Variants in RSPO2 observed in about 807,000 individuals in gnomAD.
The protein encoded by RSPO2 is R-spondin 2.
Under a neutral mutation model 30.9 loss-of-function variants are expected in RSPO2, and 14 were observed. That is an observed-to-expected ratio of 0.45 (90% CI 0.30 to 0.71). The LOEUF (loss-of-function observed/expected upper bound fraction) is 0.71, where lower values mean the gene tolerates loss of function less well. RSPO2 is among the 30% of genes least tolerant of loss of function. RSPO2 has a pLI of 0.08. For synonymous variants in RSPO2, 107 were observed against 96.4 expected (o/e 1.11, Z -0.64); for missense variants, 264 against 301.9 (o/e 0.87, Z 0.93).
intron 3 of RSPO2, among the ~76,000 whole-genome samples, chr8:107,984,520 C>T (rs563623288): frequency 2.6e-5 from 4 of 152,262 alleles, no homozygotes; most frequent in African/African-American, 9.6e-5. Context: ...AACCTCAAGA[C>T]TATCAGAAGA....
intron 2 of RSPO2, among the ~76,000 whole-genome samples, chr8:108,039,536 G>A (rs1459115313): frequency 6.6e-6 from 1 of 152,096 alleles, no homozygotes; most frequent in Non-Finnish European, 1.5e-5. Context: ...AATGCTTAAA[G>A]TGTATTTTCA....
intron 2 of RSPO2, among the ~76,000 whole-genome samples, chr8:107,991,169 C>T (rs1287884775): frequency 2.0e-5 from 3 of 151,854 alleles, no homozygotes; most frequent in Admixed American, 6.6e-5. Flanking sequence ...ACTGCCTGAA[C>T]CTGGAAGGCA....
intron 5 of RSPO2, among the ~76,000 whole-genome samples, chr8:107,908,376 CAAGAAGAGA>C: frequency 6.6e-6 from 1 of 152,092 alleles, no homozygotes; most frequent in East Asian, 1.9e-4. Flanking sequence ...TAAGCACAAA[CAAGAAGAGA>C]TAGTTTTAAA....
intron 2 of RSPO2, among the ~76,000 whole-genome samples, chr8:108,042,916 C>A (rs752696176): frequency 6.6e-6 from 1 of 152,058 alleles, no homozygotes; most frequent in Non-Finnish European, 1.5e-5. Context: ...CTCCTTTAAC[C>A]CCTTGCCTAT....
intron 5 of RSPO2, among the ~76,000 whole-genome samples, chr8:107,956,379 T>C (rs989500213): frequency 6.6e-6 from 1 of 152,214 alleles, no homozygotes; most frequent in African/African-American, 2.4e-5. Flanking sequence ...AATCAGTCTG[T>C]TACTGGCTTG....
At chr8:108,062,364 G>C (rs866778795) in intron 2 of RSPO2, among the ~76,000 whole-genome samples, 3 of 151,720 alleles carry the variant, frequency 2.0e-5, no homozygotes, top group Admixed American at 6.6e-5. Flanking sequence ...TATCACCACC[G>C]ATCCCACAGA....
chr8:107,950,434 C>T (rs1813205049), intron 5 of RSPO2, among the ~76,000 whole-genome samples: 1 of 151,794 alleles, frequency 6.6e-6, no homozygotes. Flanking sequence ...TTTATTCGGG[C>T]CTGAGCTCTT....
At chr8:108,057,961 C>A (rs1257172337) in intron 2 of RSPO2, among the ~76,000 whole-genome samples, 1 of 152,112 alleles carries the variant, frequency 6.6e-6, no homozygotes, top group African/African-American at 2.4e-5. Flanking sequence ...ATTGAAAACC[C>A]TTTATTTCCT....
At chr8:107,924,302 T>C (rs753485367) in intron 5 of RSPO2, among the ~76,000 whole-genome samples, 1 of 151,940 alleles carries the variant, frequency 6.6e-6, no homozygotes, top group Non-Finnish European at 1.5e-5. Context: ...AAAACAAGCA[T>C]TGCATATATC....
chr8:107,950,139 A>ACACACATG (rs33952817), intron 5 of RSPO2, among the ~76,000 whole-genome samples: 1,705 of 23,606 alleles, frequency 0.072, 39 homozygotes, highest in African/African-American at 0.095. Context: ...ACCTCCCTGA[A>ACACACATG]CACATGCACA....
At chr8:107,920,875 A>T (rs1445011433) in intron 5 of RSPO2, among the ~76,000 whole-genome samples, 1 of 152,164 alleles carries the variant, frequency 6.6e-6, no homozygotes, top group Non-Finnish European at 1.5e-5. Context: ...AAAGTAGATT[A>T]AAAATAATGA....
At chr8:108,063,087 C>A (rs1292317745) in intron 2 of RSPO2, among the ~76,000 whole-genome samples, 1 of 151,736 alleles carries the variant, frequency 6.6e-6, no homozygotes, top group African/African-American at 2.4e-5. Flanking sequence ...ACTGAATGGG[C>A]AAAAACTGGA....
At chr8:108,031,503 A>G (rs1811421063) in intron 2 of RSPO2, among the ~76,000 whole-genome samples, 1 of 152,248 alleles carries the variant, frequency 6.6e-6, no homozygotes, top group Non-Finnish European at 1.5e-5. Context: ...TTAAAAGACT[A>G]AAACTTTACG....
At chr8:107,945,809 C>T (rs1813042330) in intron 5 of RSPO2, among the ~76,000 whole-genome samples, 1 of 152,176 alleles carries the variant, frequency 6.6e-6, no homozygotes. Context: ...TCATTCCTTT[C>T]AACATTTGAG....
intron 5 of RSPO2, among the ~76,000 whole-genome samples, chr8:107,932,916 C>T (rs1812594715): frequency 6.6e-6 from 1 of 152,098 alleles, no homozygotes; most frequent in Admixed American, 6.6e-5. Context: ...GCTAAATCTG[C>T]ATTGGAAAAC....
chr8:107,953,470 T>C (rs983234883), intron 5 of RSPO2, among the ~76,000 whole-genome samples: 3 of 152,196 alleles, frequency 2.0e-5, no homozygotes, highest in African/African-American at 7.2e-5. Flanking sequence ...TCACCAGTGA[T>C]TCCAAATTGG....
intron 3 of RSPO2, among the ~76,000 whole-genome samples, chr8:107,979,387 T>C (rs573628513): frequency 2.4e-4 from 36 of 152,272 alleles, no homozygotes; most frequent in Non-Finnish European, 7.4e-5. Context: ...TGTAGGGACA[T>C]GGATGAAGCT....
At chr8:108,035,206 G>A (rs956835580) in intron 2 of RSPO2, among the ~76,000 whole-genome samples, 1 of 152,106 alleles carries the variant, frequency 6.6e-6, no homozygotes, top group Admixed American at 6.5e-5. Flanking sequence ...TATTATCTTT[G>A]AATTACTGTC....
rs575400329 is a variant in RSPO2, at chr8:108,054,948, T to TAACAA, written c.94+27592_94+27596dup. 1.7e-3 allele frequency among the ~76,000 whole-genome samples: 251 copies of TAACAA among 151,964 alleles called. No individual in the cohort carries two copies. The Middle Eastern group carries it at 0.017, about 10-fold the overall frequency. Reference sequence around the variant, plus strand: ...GGGCAACAAAGCAAAACCCTGTCTCTAACAAAACAAAACAAAACAACGATT... The same window carrying TAACAA: ...GGGCAACAAAGCAAAACCCTGTCTCTAACAAAACAAAACAAAACAAAACAACGATT... On this transcript the variant is annotated intron_variant, in intron 2 of 5. Transcript: ENST00000276659.
Sources: gnomAD v4.1 joint callset for allele counts (sites outside exome capture counted in the v4.1 genomes callset) on GRCh38, gnomAD v4.1.1 for gene constraint, MANE v1.5 for transcripts, NCBI Gene and HGNC (gene_info 2026-07-23, HGNC 2026-07-21) for gene names.